Variants in RALYL observed in about 807,000 individuals in gnomAD.
The protein encoded by RALYL is RNA-binding Raly-like protein.
A neutral mutation model predicts 35.1 loss-of-function variants in RALYL; 29 were observed. The observed-to-expected ratio is 0.83, with a 90% confidence interval of 0.61 to 1.13. RALYL has a LOEUF of 1.13. Ranked by LOEUF, RALYL falls within the 50% of genes most tolerant of loss-of-function variation. The probability of loss-of-function intolerance (pLI) is 0.00; values close to 1 mark genes in which losing one functional copy is unlikely to be tolerated. For synonymous variants in RALYL, 120 were observed against 127.6 expected (o/e 0.94, Z 0.40); for missense variants, 359 against 360.4 (o/e 1.00, Z 0.03).
chr8:84,681,948 C>A (rs1835626285), intron 2 of RALYL, among the ~76,000 whole-genome samples: 1 of 152,126 alleles, frequency 6.6e-6, no homozygotes. Flanking sequence ...ACAGTTTTTG[C>A]CCATTCAGTA....
At chr8:84,843,800 C>G (rs1325961245) in intron 4 of RALYL, among the ~76,000 whole-genome samples, 1 of 152,140 alleles carries the variant, frequency 6.6e-6, no homozygotes, top group Non-Finnish European at 1.5e-5. Flanking sequence ...ACAGAGCCCT[C>G]AGAAATAATG....
intron 1 of RALYL, among the ~76,000 whole-genome samples, chr8:84,248,267 T>G (rs940706739): frequency 2.6e-5 from 4 of 152,126 alleles, no homozygotes; most frequent in Non-Finnish European, 4.4e-5. Flanking sequence ...GCTTACAGCC[T>G]GAACAACATT....
intron 1 of RALYL, among the ~76,000 whole-genome samples, chr8:84,292,255 C>T (rs926073504): frequency 6.6e-6 from 1 of 152,086 alleles, no homozygotes; most frequent in African/African-American, 2.4e-5. Context: ...ATATTCTTAG[C>T]AGTTTGCAAT....
intron 7 of RALYL, among the ~76,000 whole-genome samples, chr8:84,885,330 AC>A (rs1842780511): frequency 6.6e-6 from 1 of 152,076 alleles, no homozygotes; most frequent in African/African-American, 2.4e-5. Flanking sequence ...ACTCAGTTTT[AC>A]CTTCTTAAAT....
intron 1 of RALYL, among the ~76,000 whole-genome samples, chr8:84,446,275 TGA>T (rs2048844058): frequency 6.6e-6 from 1 of 151,878 alleles, no homozygotes; most frequent in Non-Finnish European, 1.5e-5. Context: ...ATACCCATAA[TGA>T]GATCAAAGAA....
At chr8:84,661,866 A>T (rs1830993984) in intron 2 of RALYL, among the ~76,000 whole-genome samples, 1 of 151,256 alleles carries the variant, frequency 6.6e-6, no homozygotes, top group African/African-American at 2.4e-5. Context: ...GTGTAGAAGG[A>T]ATTATGCAAA....
At chr8:84,650,565 G>A (rs1478607803) in intron 2 of RALYL, among the ~76,000 whole-genome samples, 5 of 151,942 alleles carry the variant, frequency 3.3e-5, no homozygotes, top group South Asian at 2.1e-4. Context: ...TAAAAAGTCA[G>A]GAAACAACAG....
chr8:84,275,470 TTGAAATATATATATATATATATATTA>T (rs1205420451), intron 1 of RALYL, among the ~76,000 whole-genome samples: 2 of 150,628 alleles, frequency 1.3e-5, no homozygotes, highest in Non-Finnish European at 3.0e-5. Context: ...GCATGATGTT[TTGAAATATATATATATATATATATTA>T]TGAAATGGCT....
chr8:84,536,976 T>C (rs2059653368), intron 2 of RALYL, among the ~76,000 whole-genome samples: 1 of 151,956 alleles, frequency 6.6e-6, no homozygotes, highest in South Asian at 2.1e-4. Flanking sequence ...TTCAACTCAT[T>C]CCTATATTTT....
intron 1 of RALYL, among the ~76,000 whole-genome samples, chr8:84,468,816 C>T (rs538918696): frequency 6.2e-4 from 95 of 152,234 alleles, no homozygotes; most frequent in Non-Finnish European, 1.2e-3. Context: ...CACATAGTCC[C>T]GTATTTCCTG....
intron 1 of RALYL, among the ~76,000 whole-genome samples, chr8:84,344,361 A>ATTAT (rs568194827): frequency 1.3e-5 from 2 of 152,080 alleles, no homozygotes; most frequent in African/African-American, 4.8e-5. Context: ...TTCAAGGAAG[A>ATTAT]TTATTTAAAG....
intron 1 of RALYL, among the ~76,000 whole-genome samples, chr8:84,366,574 AGACCATCCT>A (rs1198204767): frequency 1.3e-5 from 2 of 151,954 alleles, no homozygotes; most frequent in Non-Finnish European, 2.9e-5. Context: ...CAGGGGATCG[AGACCATCCT>A]GGCCAACATG....
intron 2 of RALYL, among the ~76,000 whole-genome samples, chr8:84,732,480 G>T (rs1431180300): frequency 1.3e-5 from 2 of 151,684 alleles, no homozygotes; most frequent in Non-Finnish European, 2.9e-5. Flanking sequence ...GAAATAATTA[G>T]CTATTATTCA....
In RALYL at chr8:84,267,955, T is replaced by C. The variant is rs148885127; in HGVS notation, c.-24+83531T>C. On this transcript the variant is annotated intron_variant, in intron 1 of 8. Transcript: ENST00000521268. ...GCAGTCTAGGCTACCCTATCATTTG[T>C]TTTATTTTACTGAATGCTTGCTAAA... is the stretch of plus-strand genomic sequence containing the variant. 8.9e-3 allele frequency among the ~76,000 whole-genome samples: 1,349 copies of C among 152,338 alleles called. 5 individuals carry two copies. Among genetic ancestry groups the C allele is most frequent in the Middle Eastern group, 0.027 (8 of 294 alleles).
intron 8 of RALYL, 54 bp downstream of exon 8, chr8:84,887,830 T>C: frequency 7.0e-7 from 1 of 1,430,968 alleles, no homozygotes; most frequent in Non-Finnish European, 9.6e-7. Flanking sequence ...ACTAGCATGT[T>C]AGCAACTCAT....
intron 2 of RALYL, among the ~76,000 whole-genome samples, chr8:84,765,947 G>T (rs1271141801): frequency 1.3e-5 from 2 of 151,982 alleles, no homozygotes; most frequent in Non-Finnish European, 2.9e-5. Context: ...TAGTGTGGAT[G>T]TCCTATTATA....
intron 2 of RALYL, among the ~76,000 whole-genome samples, chr8:84,695,999 A>G (rs1359191725): frequency 2.0e-5 from 3 of 151,828 alleles, no homozygotes; most frequent in Non-Finnish European, 4.4e-5. Context: ...CTGTCAAAGG[A>G]CCACAAATCT....
chr8:84,257,095 A>G (rs1038766603), intron 1 of RALYL, among the ~76,000 whole-genome samples: 6 of 151,994 alleles, frequency 3.9e-5, no homozygotes, highest in African/African-American at 1.2e-4. Flanking sequence ...AAATATACTG[A>G]TAAGATATTT....
chr8:84,733,219 C>T (rs1039781152), intron 2 of RALYL, among the ~76,000 whole-genome samples: 1 of 152,194 alleles, frequency 6.6e-6, no homozygotes, highest in African/African-American at 2.4e-5. Context: ...GCTCAGGAAG[C>T]AGATATAGAG....
Sources: allele counts gnomAD v4.1 joint callset (sites outside exome capture counted in the v4.1 genomes callset), GRCh38; gene constraint gnomAD v4.1.1; transcripts MANE v1.5; gene names NCBI Gene and HGNC (gene_info 2026-07-23, HGNC 2026-07-21).